PTPRD: variants seen among roughly 807,000 people sequenced by gnomAD.
PTPRD encodes receptor-type tyrosine-protein phosphatase delta.
Under a neutral mutation model 214.5 loss-of-function variants are expected in PTPRD, and 34 were observed. The observed-to-expected ratio is 0.16, with a 90% CI of 0.12 to 0.21. The LOEUF (loss-of-function observed/expected upper bound fraction) is 0.21. PTPRD is among the 10% of genes least tolerant of loss of function. The pLI, the probability that PTPRD is intolerant of heterozygous loss-of-function variation, is 1.00. For synonymous variants in PTPRD, 1,128 were observed against 845.7 expected (o/e 1.33, Z -5.79); for missense variants, 2,545 against 2,398.7 (o/e 1.06, Z -1.27).
intron 10 of PTPRD, among the ~76,000 whole-genome samples, chr9:9,106,515 A>T (rs892880679): frequency 2.7e-5 from 4 of 148,178 alleles, no homozygotes; most frequent in African/African-American, 7.4e-5. Flanking sequence ...CCGACTTTAG[A>T]GGTCACATAG....
At chr9:9,506,931 A>C (rs1439166111) in intron 8 of PTPRD, among the ~76,000 whole-genome samples, 1 of 151,472 alleles carries the variant, frequency 6.6e-6, no homozygotes, top group African/African-American at 2.4e-5. Flanking sequence ...ATAGAAAATT[A>C]AGTAACCCAG....
intron 9 of PTPRD, among the ~76,000 whole-genome samples, chr9:9,347,211 G>A (rs1287927437): frequency 6.6e-6 from 1 of 151,668 alleles, no homozygotes; most frequent in South Asian, 2.1e-4. Context: ...AAGATGATTA[G>A]ATTTTATTTT....
intron 3 of PTPRD, among the ~76,000 whole-genome samples, chr9:10,237,071 T>C (rs937520239): frequency 5.3e-5 from 8 of 151,898 alleles, no homozygotes; most frequent in African/African-American, 1.9e-4. Flanking sequence ...TCAACCCTAA[T>C]GTAAACTATG....
At chr9:9,271,358 TC>T (rs1253459091) in intron 9 of PTPRD, among the ~76,000 whole-genome samples, 1 of 151,214 alleles carries the variant, frequency 6.6e-6, no homozygotes, top group Admixed American at 6.6e-5. Flanking sequence ...ACGTTCACCT[TC>T]TCCAAACTTC....
intron 2 of PTPRD, among the ~76,000 whole-genome samples, chr9:10,542,089 A>C (rs2059238477): frequency 6.6e-6 from 1 of 152,126 alleles, no homozygotes; most frequent in African/African-American, 2.4e-5. Context: ...GACTTTTGTA[A>C]TTCCTTCTTA....
At chr9:9,678,412 C>T (rs1247631104) in intron 7 of PTPRD, among the ~76,000 whole-genome samples, 4 of 151,942 alleles carry the variant, frequency 2.6e-5, no homozygotes, top group Non-Finnish European at 4.4e-5. Flanking sequence ...AGAAATAATG[C>T]CGCATATCTA....
intron 10 of PTPRD, among the ~76,000 whole-genome samples, chr9:9,158,423 A>T (rs2099883237): frequency 6.6e-6 from 1 of 151,998 alleles, no homozygotes; most frequent in Non-Finnish European, 1.5e-5. Flanking sequence ...AACATGCTAA[A>T]ACTCCGTCTC....
chr9:9,245,221 C>T (rs2099972450), intron 9 of PTPRD, among the ~76,000 whole-genome samples: 1 of 152,136 alleles, frequency 6.6e-6, no homozygotes, highest in Non-Finnish European at 1.5e-5. Context: ...TTGTGGAAAA[C>T]AGTATGGCGA....
intron 9 of PTPRD, among the ~76,000 whole-genome samples, chr9:9,346,272 T>G (rs992821648): frequency 4.6e-5 from 7 of 152,092 alleles, no homozygotes; most frequent in African/African-American, 7.2e-5. Context: ...GAAAGAAAAC[T>G]GTACAGCAAA....
Position 9,205,613 on chromosome 9 carries a change from C to T in PTPRD, c.-202-22250G>A, listed in dbSNP as rs558740766. On this transcript the variant is annotated intron_variant, in intron 9 of 45. Transcript: ENST00000381196. ...ATGACATTGAGCAAAGTTTTCTTAG[C>T]ACTAAGCATACATTTTATATCTTTT... 1.5e-3 allele frequency among the ~76,000 whole-genome samples: 235 copies of T among 152,294 alleles called. 1 individual carries two copies. The highest frequency in any genetic ancestry group is 5.3e-3 in the African/African-American group (220 of 41,572).
chr9:10,202,481 G>GGA (rs370246337), intron 3 of PTPRD, among the ~76,000 whole-genome samples: 2 of 143,024 alleles, frequency 1.4e-5, no homozygotes, highest in Non-Finnish European at 3.1e-5. Flanking sequence ...TAAATAAAAT[G>GGA]AAAAAAAAAA....
At chr9:8,465,778 T>A in intron 31 of PTPRD, 103 bp from the exon 32 acceptor site, 2 of 950,420 alleles carry the variant, frequency 2.1e-6, no homozygotes, top group South Asian at 1.7e-5. Flanking sequence ...ACAACCCAAA[T>A]GCAATTTGTT....
intron 3 of PTPRD, among the ~76,000 whole-genome samples, chr9:10,266,684 T>C (rs1181879924): frequency 6.6e-6 from 1 of 151,968 alleles, no homozygotes; most frequent in Non-Finnish European, 1.5e-5. Context: ...GAATTGAGCT[T>C]GAGAGGAAAC....
intron 2 of PTPRD, among the ~76,000 whole-genome samples, chr9:10,569,855 G>A (rs2066869264): frequency 6.6e-6 from 1 of 152,026 alleles, no homozygotes; most frequent in East Asian, 1.9e-4. Flanking sequence ...TGGATGTAAA[G>A]AAAAATATTT....
intron 8 of PTPRD, among the ~76,000 whole-genome samples, chr9:9,420,128 T>C (rs2078243668): frequency 6.6e-6 from 1 of 151,700 alleles, no homozygotes; most frequent in Non-Finnish European, 1.5e-5. Context: ...ATAAAATTTC[T>C]CCTTGTTAAA....
At chr9:9,426,928 A>C (rs965172576) in intron 8 of PTPRD, among the ~76,000 whole-genome samples, 4 of 152,160 alleles carry the variant, frequency 2.6e-5, no homozygotes, top group Admixed American at 2.0e-4. Flanking sequence ...TCAAAGACCA[A>C]AGGTAAATAA....
intron 14 of PTPRD, among the ~76,000 whole-genome samples, chr9:8,548,565 G>A (rs1031807466): frequency 2.7e-5 from 4 of 150,484 alleles, no homozygotes; most frequent in African/African-American, 7.3e-5. Flanking sequence ...ATGGGGTTTC[G>A]CCATGTTGGC....
At chr9:9,538,587 T>C (rs989290208) in intron 8 of PTPRD, among the ~76,000 whole-genome samples, 73 of 151,980 alleles carry the variant, frequency 4.8e-4, no homozygotes, top group African/African-American at 1.8e-3. Flanking sequence ...TCAGTAATGC[T>C]ATGCTGCATA....
At chr9:10,216,836 G>C (rs2498599) in intron 3 of PTPRD, among the ~76,000 whole-genome samples, 36,706 of 151,792 alleles carry the variant, frequency 0.24, 5,954 homozygotes, top group African/African-American at 0.45. Context: ...GCAAAATTCT[G>C]CAATGATTCT....
Sources: gnomAD v4.1 joint callset for allele counts (sites outside exome capture counted in the v4.1 genomes callset) on GRCh38, gnomAD v4.1.1 for gene constraint, MANE v1.5 for transcripts, NCBI Gene and HGNC (gene_info 2026-07-23, HGNC 2026-07-21) for gene names.